The following CSF1R variants were observed in gnomAD, a reference collection of about 807,000 sequenced individuals.
The protein encoded by CSF1R is colony stimulating factor 1 receptor, also known as macrophage colony-stimulating factor 1 receptor.
Under a neutral mutation model 110.0 loss-of-function variants are expected in CSF1R, and 40 were observed. That is an observed-to-expected ratio of 0.36 (90% CI 0.28 to 0.47). The LOEUF is 0.47. CSF1R is among the 20% of genes least tolerant of loss of function. The pLI, the probability that CSF1R is intolerant of heterozygous loss-of-function variation, is 0.99. For synonymous variants in CSF1R, 523 were observed against 503.4 expected (o/e 1.04, Z -0.52); for missense variants, 1,052 against 1,253.0 (o/e 0.84, Z 2.42).
chr5:150,089,287 C>T (rs1758959680), upstream of CSF1R, among the ~76,000 whole-genome samples: 2 of 152,138 alleles, frequency 1.3e-5, no homozygotes, highest in South Asian at 4.1e-4. Flanking sequence ...TATCTCTGTT[C>T]ACAGATGACA....
At chr5:150,111,874 C>T (rs911486112) in intron 1 of CSF1R, among the ~76,000 whole-genome samples, 6 of 152,230 alleles carry the variant, frequency 3.9e-5, no homozygotes, top group African/African-American at 1.4e-4. Flanking sequence ...TGAGTCACAT[C>T]ACAGGACTGC....
intron 1 of CSF1R, among the ~76,000 whole-genome samples, chr5:150,105,583 CAG>C (rs1284445324): frequency 6.6e-6 from 1 of 151,638 alleles, no homozygotes; most frequent in Non-Finnish European, 1.5e-5. Context: ...AGTACAGTGT[CAG>C]AGTTACAGCT....
intron 1 of CSF1R, among the ~76,000 whole-genome samples, chr5:150,110,600 C>T (rs1281397288): frequency 6.6e-6 from 1 of 152,134 alleles, no homozygotes; most frequent in Non-Finnish European, 1.5e-5. Context: ...CAAAAAGTTG[C>T]ACAATGACAA....
intron 1 of CSF1R, among the ~76,000 whole-genome samples, chr5:150,083,394 A>ACACACACACT (rs1758648177): frequency 6.8e-6 from 1 of 146,862 alleles, no homozygotes; most frequent in Admixed American, 6.7e-5. Context: ...ACACACACAC[A>ACACACACACT]CACACACTGC....
At chr5:150,070,713 T>C in intron 6 of CSF1R, 142 bp from the exon 7 acceptor site, 1 of 516,824 alleles carries the variant, frequency 1.9e-6, no homozygotes, top group Non-Finnish European at 3.3e-6. Flanking sequence ...GTAAGCCAGA[T>C]ACTCAGACAG....
At chr5:150,093,084 T>C (rs928907176) in intron 1 of CSF1R, among the ~76,000 whole-genome samples, 4 of 152,114 alleles carry the variant, frequency 2.6e-5, no homozygotes, top group African/African-American at 9.7e-5. Context: ...TTTATTTTTC[T>C]TGTTTGTTTT....
chr5:150,098,098 T>C (rs1030089032), intron 1 of CSF1R, among the ~76,000 whole-genome samples: 5 of 152,198 alleles, frequency 3.3e-5, no homozygotes, highest in East Asian at 3.8e-4. Context: ...ATGTGGCCAA[T>C]TGATTTTTGA....
rs1424972902 is a variant in CSF1R at position 150,080,077 on chromosome 5, G to C, written c.567C>G (p.Ile189Met). ...CTTTCTGCACTTTCAGCCGGATGCT[G>C]ATGGACATCACCTTCCTGCCACCCA... Reference protein sequence around the residue: ...ALMGGRKVMSISIRLKVQKVI... With the variant: ...ALMGGRKVMSMSIRLKVQKVI... Residue 189 changes from isoleucine (I) to methionine (M), a missense_variant, in exon 3 of 21, where the codon ATC becomes ATG. Physicochemically the swap from Ile to Met is conservative, Grantham distance 10. Coordinates refer to ENST00000675795, the MANE Select transcript of CSF1R (RefSeq NM_001288705.3). The C allele has an allele frequency of 6.2e-7, 1 of 1,613,886 alleles. No individual in the cohort carries two copies. Among genetic ancestry groups the C allele is most frequent in the Admixed American group, 1.7e-5 (1 of 60,008 alleles).
At chr5:150,108,463 C>G (rs1175962973) in intron 1 of CSF1R, among the ~76,000 whole-genome samples, 1 of 151,960 alleles carries the variant, frequency 6.6e-6, no homozygotes, top group Non-Finnish European at 1.5e-5. Flanking sequence ...TCAGGGAGGG[C>G]CTTAAAGATT....
intron 1 of CSF1R, among the ~76,000 whole-genome samples, chr5:150,082,128 C>G (rs990224767): frequency 6.6e-6 from 1 of 152,238 alleles, no homozygotes; most frequent in African/African-American, 2.4e-5. Flanking sequence ...GTGCCACTTG[C>G]GGGGCAGCTG....
Position 150,080,981 on chromosome 5 carries a change from G to A in CSF1R, c.93C>T (p.Val31=), listed in dbSNP as rs41424646. 3.2e-4 allele frequency: 518 copies of A among 1,614,056 alleles called. 1 individual carries two copies. Among genetic ancestry groups the A allele is most frequent in the Admixed American group, 1.7e-3 (101 of 60,018 alleles). The change falls in exon 2 of 21, where the codon GTC becomes GTT. Residue 31 remains valine (V), a synonymous_variant. Transcript: ENST00000675795. ...PVIEPSVPEL[V]VKPGATVTLR... ...AGGTCACCGTTGCTCCTGGCTTCAC[G>A]ACCAGCTCAGGGACACTGGGCTCTA...
chr5:150,060,014 A>C, intron 13 of CSF1R, 152 bp from the exon 14 acceptor site: 1 of 867,820 alleles, frequency 1.2e-6, no homozygotes, highest in East Asian at 2.6e-5. Context: ...CTTGTGCCTC[A>C]GTAGTTCCAT....
intron 13 of CSF1R, 110 bp downstream of exon 13, chr5:150,060,751 AC>A: frequency 1.5e-6 from 1 of 666,284 alleles, no homozygotes; most frequent in South Asian, 2.1e-5. Context: ...TCCCCCTGAC[AC>A]TTGGAGCAGT....
At position 150,085,289 on chromosome 5, in the gene CSF1R, A is replaced by C. The variant is rs949118684; in HGVS notation, c.49+1090T>G. ...GACTCTGTCTCAGGAAAAAAAAAAAAAAAACCCAAATACTCAAGCTCAGTG... is the reference window on the plus strand; with the variant it reads ...GACTCTGTCTCAGGAAAAAAAAAAACAAAACCCAAATACTCAAGCTCAGTG... On this transcript the variant is annotated intron_variant, in intron 1 of 20. Transcript: ENST00000675795. 4.0e-5 allele frequency among the ~76,000 whole-genome samples: 6 copies of C among 150,686 alleles called. 1 individual carries two copies. Among genetic ancestry groups the C allele is most frequent in the Non-Finnish European group, 8.9e-5 (6 of 67,672 alleles).
chr5:150,056,182 C>T (rs1281769565), intron 17 of CSF1R, 37 bp downstream of exon 17: 2 of 1,614,194 alleles, frequency 1.2e-6, no homozygotes, highest in African/African-American at 2.7e-5. Context: ...ACTCTTCACC[C>T]CCTCCCCAGC....
At chr5:150,066,440 C>T (rs1757775056) in intron 10 of CSF1R, among the ~76,000 whole-genome samples, 1 of 152,208 alleles carries the variant, frequency 6.6e-6, no homozygotes, top group Non-Finnish European at 1.5e-5. Context: ...ACTAGACCAC[C>T]AGTGGGCTCT....
Position 150,059,704 on chromosome 5 carries a change from G to A in CSF1R, c.2128C>T (p.Arg710Cys), listed in dbSNP as rs762329575. ...TTGTCCTTTGCCAGGGGCTACCTGCGGACATATTTCTTCTCGAGGTGGATG... is the reference window on the plus strand; with the variant it reads ...TTGTCCTTTGCCAGGGGCTACCTGCAGACATATTTCTTCTCGAGGTGGATG... ...KNIHLEKKYV[R>C]RDSGFSSQGV... The change falls in exon 14 of 21, where the codon CGC becomes TGC. Residue 710 changes from arginine (R) to cysteine (C), a missense_variant. Physicochemically the swap from Arg to Cys is radical, Grantham distance 180. This residue lies in a region of CSF1R where 124 missense variants were observed against 117.7 expected (regional missense o/e 1.05). Coordinates refer to ENST00000675795, the MANE Select transcript of CSF1R (RefSeq NM_001288705.3). 28 of 1,613,580 alleles carry A rather than the reference G, an allele frequency of 1.7e-5. No individual in the cohort carries two copies. The highest frequency in any genetic ancestry group is 5.0e-5 in the Admixed American group (3 of 59,988).
At position 150,105,361 on chromosome 5, in the gene CSF1R, A is replaced by ATATAT. The variant is rs35307075; in HGVS notation, c.-181+7899_-181+7900insATATA. On this transcript the variant is annotated intron_variant, in intron 1 of 21. Coordinates refer to the CSF1R transcript ENST00000286301. ...AGACTCTGTCTCAAAAAAAAAAAAA[A>ATATAT]AAATATATATATATATATATATATT... is the stretch of plus-strand genomic sequence containing the variant. 3.1e-5 allele frequency among the ~76,000 whole-genome samples: 3 copies of ATATAT among 96,454 alleles called. No individual in the cohort carries two copies. The East Asian group carries it at 9.3e-4, about 30-fold the overall frequency. 63.3% of individuals were successfully genotyped at this position (96,454 alleles called of 152,430 possible). A position where few individuals can be genotyped will look rare whatever the true frequency, so the allele number is the denominator to read the frequency against.
At chr5:150,077,889 ACC>A (rs1758344183) in intron 4 of CSF1R, among the ~76,000 whole-genome samples, 1 of 65,550 alleles carries the variant, frequency 1.5e-5, no homozygotes, top group Non-Finnish European at 3.2e-5. Context: ...ACCTCCCCCC[ACC>A]CACCCCCACA....
Sources: gnomAD v4.1 joint callset for allele counts (sites outside exome capture counted in the v4.1 genomes callset) on GRCh38, gnomAD v4.1.1 for gene constraint, gnomAD v4.1.1 regional missense constraint, MANE v1.5 for transcripts, NCBI Gene and HGNC (gene_info 2026-07-23, HGNC 2026-07-21) for gene names.